Variants in SIPA1L1 observed in about 807,000 individuals in gnomAD.
SIPA1L1 encodes signal-induced proliferation-associated 1-like protein 1.
SIPA1L1 carries 26 observed loss-of-function variants against 162.7 expected under a neutral mutation model. The ratio of observed to expected loss-of-function variants is 0.16; its 90% CI spans 0.12 to 0.22. The LOEUF (loss-of-function observed/expected upper bound fraction) is 0.22. SIPA1L1 is among the 10% of genes least tolerant of loss of function. SIPA1L1 has a pLI of 1.00. For synonymous variants in SIPA1L1, 829 were observed against 837.4 expected (o/e 0.99, Z 0.17); for missense variants, 1,874 against 2,241.0 (o/e 0.84, Z 3.31).
chr14:71,461,709 C>T lies in SIPA1L1; in HGVS notation c.-464-51034C>T, dbSNP rs139881582. On this transcript the variant is annotated intron_variant, in intron 2 of 23. Coordinates refer to ENST00000381232, the MANE Select transcript of SIPA1L1 (RefSeq NM_001386936.1). ...GCCATTTCTCCTTCCATGCAAAGTGCACAACCAGGTGCACTGCTTGAAGTT... is the reference window on the plus strand; with the variant it reads ...GCCATTTCTCCTTCCATGCAAAGTGTACAACCAGGTGCACTGCTTGAAGTT... Among the ~76,000 whole-genome samples the T allele has an allele frequency of 9.4e-4, 143 of 152,332 alleles. No individual in the cohort carries two copies. In the East Asian group the frequency reaches 0.019, roughly 20 times the overall value.
chr14:71,330,733 T>C lies in SIPA1L1; in HGVS notation c.-465+9552T>C, dbSNP rs919160179. ...GGCAGGCAGGAAAACCACCGGGTAGTCATCATAAGGAATCTGGCTGTCTAT... is the reference window on the plus strand; with the variant it reads ...GGCAGGCAGGAAAACCACCGGGTAGCCATCATAAGGAATCTGGCTGTCTAT... On this transcript the variant is annotated intron_variant, in intron 2 of 23. Coordinates refer to ENST00000381232, the MANE Select transcript of SIPA1L1 (RefSeq NM_001386936.1). 1.3e-5 allele frequency: 11 copies of C among 853,832 alleles called. No homozygotes were observed. In the African/African-American group the frequency reaches 1.8e-4, roughly 14 times the overall value. The allele number at this position is 853,832 out of a possible 1,614,324, so 52.9% of individuals were successfully genotyped here.
intron 5 of SIPA1L1, among the ~76,000 whole-genome samples, chr14:71,608,530 A>T (rs2037796282): frequency 6.6e-6 from 1 of 152,304 alleles, no homozygotes; most frequent in East Asian, 1.9e-4. Flanking sequence ...TTGCATTAAT[A>T]TGCAACTTTT....
At chr14:71,545,664 C>T (rs2055122259) in intron 4 of SIPA1L1, among the ~76,000 whole-genome samples, 1 of 151,564 alleles carries the variant, frequency 6.6e-6, no homozygotes, top group African/African-American at 2.4e-5. Context: ...GTTCCTTTTC[C>T]ATCTTTATAC....
chr14:71,616,816 G>A lies in SIPA1L1; in HGVS notation c.1499-1941G>A, dbSNP rs139174343. Among the ~76,000 whole-genome samples the A allele has an allele frequency of 3.8e-3, 583 of 152,308 alleles. 3 individuals carry two copies. Among genetic ancestry groups the A allele is most frequent in the African/African-American group, 0.014 (569 of 41,566 alleles). On this transcript the variant is annotated intron_variant, in intron 5 of 23. Transcript: ENST00000381232. Reference sequence around the variant, plus strand: ...AGAAACGGAGAGAGTTGCTGACCAGGGAAAGCTTGAGGATGAGGATGAATT... The same window carrying A: ...AGAAACGGAGAGAGTTGCTGACCAGAGAAAGCTTGAGGATGAGGATGAATT...
At chr14:71,485,056 C>T (rs76242352) in intron 2 of SIPA1L1, among the ~76,000 whole-genome samples, 4 of 152,270 alleles carry the variant, frequency 2.6e-5, no homozygotes, top group South Asian at 4.2e-4. Flanking sequence ...TGCCCATGAT[C>T]CTTTAGCTAT....
chr14:71,671,422 C>T lies in SIPA1L1; in HGVS notation c.2559C>T (p.Leu853=), dbSNP rs147603233. ...CTAAGCCATATCCAGGAGCCGAGCT[C>T]AGCAGCATGGGGGCCATTGTATGGG... ...EKSKPYPGAE[L]SSMGAIVWAV... is the part of the protein sequence containing the mutation. Residue 853 remains leucine (L), a synonymous_variant, in exon 11 of 24, where the codon CTC becomes CTT. Transcript: ENST00000381232. 4,320 of 1,614,182 alleles carry T rather than the reference C, an allele frequency of 2.7e-3. 6 individuals carry two copies. The highest frequency in any genetic ancestry group is 3.4e-3 in the Non-Finnish European group (3,962 of 1,180,034).
rs978229789 is a variant in SIPA1L1, at chr14:71,690,291, G to A, written c.3374+4660G>A. 4.0e-5 allele frequency among the ~76,000 whole-genome samples: 6 copies of A among 151,790 alleles called. No individual in the cohort carries two copies. In the South Asian group the frequency reaches 6.2e-4, roughly 16 times the overall value. On this transcript the variant is annotated intron_variant, in intron 13 of 23. Transcript: ENST00000381232. ...TTTTGTGACAGGGTCTCACTCTGTC[G>A]CAGTGGCATTGATCTTAGCTCACTG...
intron 9 of SIPA1L1, 33 bp downstream of exon 9, chr14:71,658,469 C>A: frequency 7.4e-7 from 1 of 1,351,740 alleles, no homozygotes; most frequent in Non-Finnish European, 1.1e-6. Context: ...GTGTTTTCAC[C>A]CTTGTTTCAT....
At chr14:71,414,266 C>A (rs1264693622) in intron 2 of SIPA1L1, among the ~76,000 whole-genome samples, 17 of 152,126 alleles carry the variant, frequency 1.1e-4, no homozygotes, top group Non-Finnish European at 2.2e-4. Context: ...GTAATCTCAG[C>A]TACTTGGGAG....
At chr14:71,730,377 T>C in intron 20 of SIPA1L1, 76 bp downstream of exon 20, 21 of 1,543,902 alleles carry the variant, frequency 1.4e-5, no homozygotes, top group Non-Finnish European at 1.9e-5. Flanking sequence ...CTGCCACTCA[T>C]GTGCTCAGAG....
intron 3 of SIPA1L1, among the ~76,000 whole-genome samples, chr14:71,519,464 C>T (rs2052078420): frequency 6.6e-6 from 1 of 152,106 alleles, no homozygotes; most frequent in Non-Finnish European, 1.5e-5. Context: ...TTTCTAAATA[C>T]AATTCTCTAA....
intron 2 of SIPA1L1, among the ~76,000 whole-genome samples, chr14:71,422,341 C>G (rs1000432065): frequency 6.6e-6 from 1 of 152,144 alleles, no homozygotes; most frequent in Non-Finnish European, 1.5e-5. Flanking sequence ...CATATAACAT[C>G]TTAACCATTT....
At chr14:71,634,935 CAA>C (rs1174210896) in intron 7 of SIPA1L1, among the ~76,000 whole-genome samples, 2 of 112,238 alleles carry the variant, frequency 1.8e-5, no homozygotes, top group African/African-American at 3.3e-5. Flanking sequence ...GACTCCGTCT[CAA>C]AAAAAAAAAA....
intron 2 of SIPA1L1, among the ~76,000 whole-genome samples, chr14:71,478,430 C>T (rs2048058496): frequency 6.6e-6 from 1 of 151,950 alleles, no homozygotes; most frequent in Admixed American, 6.6e-5. Flanking sequence ...TTTCCAAGAA[C>T]TCTTTGACTA....
chr14:71,548,885 CAAAAAAAA>C (rs774158181), intron 4 of SIPA1L1, among the ~76,000 whole-genome samples: 1 of 65,386 alleles, frequency 1.5e-5, no homozygotes, highest in African/African-American at 5.5e-5. Context: ...AGACTGTCTC[CAAAAAAAA>C]AAAAAAAAAA....
intron 7 of SIPA1L1, among the ~76,000 whole-genome samples, chr14:71,626,372 G>A (rs140182489): frequency 1.7e-3 from 252 of 152,254 alleles, no homozygotes; most frequent in Non-Finnish European, 3.0e-3. Context: ...AAAGAGCACC[G>A]GGGGTTAGCC....
chr14:71,685,887 A>G (rs975213611), intron 13 of SIPA1L1, among the ~76,000 whole-genome samples: 4 of 152,212 alleles, frequency 2.6e-5, no homozygotes, highest in African/African-American at 4.8e-5. Context: ...GTGATTATCA[A>G]CAGACGTCGT....
chr14:71,325,806 CA>C (rs1411662000), intron 2 of SIPA1L1, among the ~76,000 whole-genome samples: 19 of 152,034 alleles, frequency 1.2e-4, no homozygotes, highest in Admixed American at 6.6e-5. Context: ...TGTTGCTTGT[CA>C]TGTTGCACTA....
rs80013775 is a variant in SIPA1L1 at position 71,470,926 on chromosome 14, C to T, written c.-464-41817C>T. Reference sequence around the variant, plus strand: ...GATCACGGCTTGCTGCAAGCTCCGCCTCCTGGGTTCACGCCATTCTCCTGC... The same window carrying T: ...GATCACGGCTTGCTGCAAGCTCCGCTTCCTGGGTTCACGCCATTCTCCTGC... On this transcript the variant is annotated intron_variant, in intron 2 of 23. Transcript: ENST00000381232. 5.5e-3 allele frequency among the ~76,000 whole-genome samples: 833 copies of T among 152,242 alleles called. 10 individuals are homozygous for T. The highest frequency in any genetic ancestry group is 0.019 in the African/African-American group (807 of 41,546).
Sources: allele counts gnomAD v4.1 joint callset (sites outside exome capture counted in the v4.1 genomes callset), GRCh38; gene constraint gnomAD v4.1.1; transcripts MANE v1.5; gene names NCBI Gene and HGNC (gene_info 2026-07-23, HGNC 2026-07-21).